Variants in KCNMA1 observed in about 807,000 individuals in gnomAD.
KCNMA1 encodes Calcium-activated potassium channel subunit alpha-1.
KCNMA1 carries 29 observed loss-of-function variants against 140.0 expected under a neutral mutation model. That is an observed-to-expected ratio of 0.21 (90% CI 0.15 to 0.28). KCNMA1 has a LOEUF of 0.28. KCNMA1 is among the 10% of genes least tolerant of loss of function. The probability of loss-of-function intolerance (pLI) is 1.00; values close to 1 mark genes in which losing one functional copy is unlikely to be tolerated. For synonymous variants in KCNMA1, 612 were observed against 611.9 expected (o/e 1.00, Z 0.00); for missense variants, 880 against 1,602.2 (o/e 0.55, Z 7.70).
chr10:76,920,972 G>A (rs2055523767), intron 23 of KCNMA1, among the ~76,000 whole-genome samples: 1 of 152,118 alleles, frequency 6.6e-6, no homozygotes, highest in Non-Finnish European at 1.5e-5. Flanking sequence ...TTTTCCATGG[G>A]GGAAACACAA....
At chr10:76,977,577 GT>G (rs1222439500) in intron 19 of KCNMA1, 1 of 702,794 alleles carries the variant, frequency 1.4e-6, no homozygotes, top group Non-Finnish European at 2.6e-6. Context: ...CCCTGCAGTA[GT>G]TTAATCTTCT....
At chr10:77,152,849 G>A (rs917585399) in intron 5 of KCNMA1, among the ~76,000 whole-genome samples, 4 of 152,212 alleles carry the variant, frequency 2.6e-5, no homozygotes, top group Non-Finnish European at 4.4e-5. Context: ...TAAAACCTAT[G>A]TCTTAGGTTG....
At chr10:77,364,733 C>G (rs1370755539) in intron 2 of KCNMA1, among the ~76,000 whole-genome samples, 1 of 152,148 alleles carries the variant, frequency 6.6e-6, no homozygotes, top group Non-Finnish European at 1.5e-5. Context: ...GGTAGCCAGT[C>G]TAGAACTGCC....
intron 5 of KCNMA1, among the ~76,000 whole-genome samples, chr10:77,123,167 G>A (rs1444120318): frequency 4.8e-5 from 5 of 105,182 alleles, no homozygotes; most frequent in African/African-American, 1.2e-4. Flanking sequence ...GCGACAGAGC[G>A]AGACTCCGTC....
chr10:77,094,254 C>T (rs142509177), intron 9 of KCNMA1, among the ~76,000 whole-genome samples: 253 of 152,294 alleles, frequency 1.7e-3, no homozygotes, highest in Middle Eastern at 3.4e-3. Context: ...TTCCTTAAGT[C>T]ATATATGCCT....
At chr10:77,628,237 C>A (rs2092778215) in intron 1 of KCNMA1, among the ~76,000 whole-genome samples, 1 of 152,224 alleles carries the variant, frequency 6.6e-6, no homozygotes, top group South Asian at 2.1e-4. Context: ...TAGTTTCGTA[C>A]AGTTAGAAGT....
intron 2 of KCNMA1, among the ~76,000 whole-genome samples, chr10:77,270,836 C>A (rs1042114362): frequency 2.3e-4 from 35 of 152,136 alleles, no homozygotes; most frequent in African/African-American, 8.4e-4. Context: ...ATCCCAGCTC[C>A]CTCTAATAGA....
At chr10:76,984,012 C>T (rs1010113957) in intron 19 of KCNMA1, among the ~76,000 whole-genome samples, 1 of 152,130 alleles carries the variant, frequency 6.6e-6, no homozygotes, top group African/African-American at 2.4e-5. Context: ...TGATTTCTCT[C>T]TTCATTTATG....
intron 1 of KCNMA1, among the ~76,000 whole-genome samples, chr10:77,579,410 G>A (rs1186128801): frequency 1.3e-5 from 2 of 152,196 alleles, no homozygotes; most frequent in East Asian, 1.9e-4. Flanking sequence ...ACTCTGCCAC[G>A]GTAAGCTTGA....
intron 1 of KCNMA1, chr10:77,634,614 G>A (rs1458209022): frequency 3.8e-5 from 37 of 985,286 alleles, no homozygotes; most frequent in Non-Finnish European, 4.5e-5. Flanking sequence ...GGAGGGTGAG[G>A]GTGAACCCAT....
chr10:77,025,191 A>T (rs2093281956), intron 16 of KCNMA1, among the ~76,000 whole-genome samples: 1 of 145,890 alleles, frequency 6.9e-6, no homozygotes, highest in East Asian at 2.0e-4. Context: ...AAACAGGAAC[A>T]GAAATAGGCT....
At chr10:77,324,971 C>CTCTCTCTCTCTCTCTCTCTG (rs766240356) in intron 2 of KCNMA1, among the ~76,000 whole-genome samples, 2 of 90,378 alleles carry the variant, frequency 2.2e-5, no homozygotes, top group Non-Finnish European at 2.1e-5. Flanking sequence ...CTCTCTCTCT[C>CTCTCTCTCTCTCTCTCTCTG]TGTGTGTGTG....
At chr10:76,945,083 G>A (rs76009341) in intron 22 of KCNMA1, 118 bp from the exon 23 acceptor site, 18 of 845,128 alleles carry the variant, frequency 2.1e-5, no homozygotes, top group East Asian at 7.8e-5. Flanking sequence ...AGATTGAGTC[G>A]GAGCTTTGGG....
At position 77,435,185 on chromosome 10, in the gene KCNMA1, G is replaced by A. The variant is rs552789356; in HGVS notation, c.379-31162C>T. Reference sequence around the variant, plus strand: ...ACTCCTAGGCTCAAGCGATCTTCCCGCCTCAGCCTCCCAAAGTGCTGAGAT... The same window carrying A: ...ACTCCTAGGCTCAAGCGATCTTCCCACCTCAGCCTCCCAAAGTGCTGAGAT... On this transcript the variant is annotated intron_variant, in intron 1 of 27. Transcript: ENST00000286628. Among the ~76,000 whole-genome samples, 92 of 151,886 alleles carry A rather than the reference G, an allele frequency of 6.1e-4. No homozygotes were observed. The East Asian group carries it at 0.011, about 19-fold the overall frequency.
intron 23 of KCNMA1, among the ~76,000 whole-genome samples, chr10:76,919,134 C>A (rs1471214708): frequency 4.6e-5 from 7 of 152,078 alleles, no homozygotes; most frequent in Non-Finnish European, 1.0e-4. Flanking sequence ...AAGAATGATA[C>A]AACAGACTTC....
At chr10:77,398,871 T>C (rs2096163068) in intron 2 of KCNMA1, among the ~76,000 whole-genome samples, 1 of 152,262 alleles carries the variant, frequency 6.6e-6, no homozygotes, top group Admixed American at 6.5e-5. Context: ...ACCATACGTT[T>C]CTTGCCCTCT....
At chr10:77,494,101 C>T (rs567538176) in intron 1 of KCNMA1, among the ~76,000 whole-genome samples, 199 of 152,292 alleles carry the variant, frequency 1.3e-3, no homozygotes, top group African/African-American at 3.9e-3. Flanking sequence ...AGACAATAAC[C>T]GCAACACAGG....
At chr10:77,603,672 C>T (rs2083421596) in intron 1 of KCNMA1, among the ~76,000 whole-genome samples, 1 of 152,166 alleles carries the variant, frequency 6.6e-6, no homozygotes, top group South Asian at 2.1e-4. Flanking sequence ...CCCCATTACA[C>T]AGCAGAAAGC....
At chr10:77,567,574 A>C (rs1429140756) in intron 1 of KCNMA1, among the ~76,000 whole-genome samples, 4 of 152,258 alleles carry the variant, frequency 2.6e-5, no homozygotes, top group African/African-American at 7.2e-5. Context: ...TCCAGAACCA[A>C]GGAAAGTAAA....
Sources: gnomAD v4.1 joint callset for allele counts (sites outside exome capture counted in the v4.1 genomes callset) on GRCh38, gnomAD v4.1.1 for gene constraint, MANE v1.5 for transcripts, NCBI Gene and HGNC (gene_info 2026-07-23, HGNC 2026-07-21) for gene names.